Variants in EFCAB3 observed in about 807,000 individuals in gnomAD.
EFCAB3 encodes the protein EF-hand calcium-binding domain-containing protein 3.
A neutral mutation model predicts 42.2 loss-of-function variants in EFCAB3; 36 were observed. The observed-to-expected ratio is 0.85, with a 90% confidence interval of 0.65 to 1.13. The LOEUF (loss-of-function observed/expected upper bound fraction) is 1.13. EFCAB3 is among the 50% of genes most tolerant of loss of function. The probability of loss-of-function intolerance (pLI) is 0.00; values close to 1 mark genes in which losing one functional copy is unlikely to be tolerated. For missense variants in EFCAB3, 418 were observed against 505.1 expected (o/e 0.83, Z 1.65); for synonymous variants, 170 against 172.8 (o/e 0.98, Z 0.13).
chr17:62,394,146 G>T (rs112964606), intron 5 of EFCAB3, among the ~76,000 whole-genome samples: 3,044 of 152,074 alleles, frequency 0.02, 113 homozygotes, highest in African/African-American at 0.069. Context: ...GTAGAGATGG[G>T]ATTTCACAGT....
At chr17:62,402,912 C>G (rs144757581) in intron 6 of EFCAB3, among the ~76,000 whole-genome samples, 2,226 of 152,298 alleles carry the variant, frequency 0.015, 40 homozygotes, top group African/African-American at 0.051. Context: ...GTGAATCCAT[C>G]TGGTCCTGGA....
At chr17:62,390,817 G>A (rs1432038577) in intron 3 of EFCAB3, among the ~76,000 whole-genome samples, 1 of 152,200 alleles carries the variant, frequency 6.6e-6, no homozygotes, top group Non-Finnish European at 1.5e-5. Context: ...TATACATAGA[G>A]ACGCTGAGAC....
At chr17:62,386,097 G>A (rs1021935146) in intron 2 of EFCAB3, among the ~76,000 whole-genome samples, 9 of 151,754 alleles carry the variant, frequency 5.9e-5, no homozygotes, top group African/African-American at 2.2e-4. Flanking sequence ...TAAACTTTTA[G>A]TTTTACAAGT....
Position 62,416,137 on chromosome 17 carries a change from T to C in EFCAB3, c.1125T>C (p.Phe375=). 6.2e-7 allele frequency: 1 copy of C among 1,613,992 alleles called. No individual in the cohort carries two copies. Among genetic ancestry groups the C allele is most frequent in the East Asian group, 2.2e-5 (1 of 44,880 alleles). ...DSRNESFYDT[F]STYTWSWNVC... ...GAAATGAGTCCTTTTATGACACCTT[T>C]TCTACTTATACATGGTCCTGGAATG... Residue 375 remains phenylalanine (F), a synonymous_variant, in exon 10 of 10, where the codon TTT becomes TTC. Transcript: ENST00000305286.
Position 62,406,619 on chromosome 17 carries a change from C to T in EFCAB3, c.628C>T (p.Arg210Trp), listed in dbSNP as rs756722182. ...SSMAAFANAA[R>W]IAIMKEKDLF... ...CATGGCTGCCTTTGCTAATGCTGCC[C>T]GGATTGCAATAATGAAAGAAAAGGA... Residue 210 changes from arginine (R) to tryptophan (W), a missense_variant, in exon 7 of 10, where the codon CGG becomes TGG. Transcript: ENST00000305286. The T allele has an allele frequency of 8.1e-6, 13 of 1,613,842 alleles. No individual in the cohort carries two copies. Among genetic ancestry groups the T allele is most frequent in the Admixed American group, 3.3e-5 (2 of 59,974 alleles).
intron 6 of EFCAB3, among the ~76,000 whole-genome samples, chr17:62,397,169 CTGT>C (rs1434881688): frequency 6.6e-6 from 1 of 152,120 alleles, no homozygotes; most frequent in Admixed American, 6.6e-5. Flanking sequence ...TGTGGTGTGG[CTGT>C]TATTTATCTG....
At chr17:62,383,947 C>T (rs1028545391) in intron 2 of EFCAB3, among the ~76,000 whole-genome samples, 6 of 152,186 alleles carry the variant, frequency 3.9e-5, no homozygotes, top group Non-Finnish European at 7.3e-5. Flanking sequence ...TTTTCTCAGT[C>T]ACCTAACAAC....
chr17:62,407,196 G>T lies in EFCAB3; in HGVS notation c.851G>T (p.Arg284Ile). ...HFFEDYFFHK[R>I]DWKTQAANIK... is the part of the protein sequence containing the mutation. ...TTTGAGGATTATTTTTTCCATAAAA[G>T]AGACTGGAAAACACAGGTGAGATTT... Residue 284 changes from arginine (R) to isoleucine (I), a missense_variant, in exon 8 of 10, where the codon AGA becomes ATA. Arg to Ile is a moderately conservative substitution (Grantham distance 97, BLOSUM62 -3). Coordinates refer to ENST00000305286, the MANE Select transcript of EFCAB3 (RefSeq NM_173503.4). 1.3e-6 allele frequency: 2 copies of T among 1,587,402 alleles called. No homozygotes were observed. Among genetic ancestry groups the T allele is most frequent in the East Asian group, 2.2e-5 (1 of 44,660 alleles).
chr17:62,375,722 A>G (rs2144047037), upstream of EFCAB3, among the ~76,000 whole-genome samples: 1 of 152,312 alleles, frequency 6.6e-6, no homozygotes, highest in South Asian at 2.1e-4. Flanking sequence ...ACCCCAGGTA[A>G]CATAAACGAG....
intron 8 of EFCAB3, among the ~76,000 whole-genome samples, chr17:62,409,998 G>C (rs966551326): frequency 1.3e-5 from 2 of 151,860 alleles, no homozygotes; most frequent in African/African-American, 4.8e-5. Context: ...TCGAGAGTTC[G>C]AGACCAGCCT....
intron 7 of EFCAB3, 152 bp from the exon 8 acceptor site, chr17:62,406,876 G>T: frequency 2.4e-6 from 1 of 412,252 alleles, no homozygotes; most frequent in Non-Finnish European, 4.1e-6. Context: ...TAGAGTCTGT[G>T]GATGGGTGGG....
chr17:62,377,956 C>T, upstream of EFCAB3: 1 of 1,543,966 alleles, frequency 6.5e-7, no homozygotes. Context: ...GATTCTTAAT[C>T]TTGTCTTTAA....
chr17:62,402,749 C>T (rs1045712925), intron 6 of EFCAB3, among the ~76,000 whole-genome samples: 1 of 152,114 alleles, frequency 6.6e-6, no homozygotes, highest in Non-Finnish European at 1.5e-5. Context: ...GTCTAAAATT[C>T]TCTATTTTTG....
At chr17:62,411,955 A>G (rs2070501904) in intron 8 of EFCAB3, among the ~76,000 whole-genome samples, 1 of 152,158 alleles carries the variant, frequency 6.6e-6, no homozygotes, top group African/African-American at 2.4e-5. Flanking sequence ...ACAAAGGAAC[A>G]AAAAGTAGAC....
Position 62,383,005 on chromosome 17 carries a change from AACT to A in EFCAB3, c.27_29del (p.Lys9_Leu10delinsAsn), listed in dbSNP as rs773154241. The A allele has an allele frequency of 4.3e-6, 7 of 1,613,696 alleles. No individual in the cohort carries two copies. The Admixed American group carries it at 1.0e-4, about 23-fold the overall frequency. On this transcript the variant is annotated inframe_deletion, in exon 2 of 10. Transcript: ENST00000305286. The stretch of plus-strand genomic sequence containing the variant: ...ATGGCAGTTTCAGAAATTAAACCAA[AACT>A]TAAGCTGAATCCTCTAACAAAAGTA...
intron 2 of EFCAB3, among the ~76,000 whole-genome samples, chr17:62,374,529 A>G (rs2070136208): frequency 6.6e-6 from 1 of 152,160 alleles, no homozygotes; most frequent in Non-Finnish European, 1.5e-5. Flanking sequence ...AATTTAATAC[A>G]TAATCTCAGT....
chr17:62,382,424 G>A (rs1273163830), intron 1 of EFCAB3, among the ~76,000 whole-genome samples: 1 of 151,898 alleles, frequency 6.6e-6, no homozygotes, highest in Non-Finnish European at 1.5e-5. Flanking sequence ...TACTATTTGT[G>A]TGTGTGTGTG....
intron 9 of EFCAB3, among the ~76,000 whole-genome samples, chr17:62,415,784 T>C (rs1049682988): frequency 6.6e-6 from 1 of 152,178 alleles, no homozygotes; most frequent in Non-Finnish European, 1.5e-5. Context: ...ATTTTTCATA[T>C]CCTTATAAAA....
chr17:62,411,176 T>C (rs1053311385), intron 8 of EFCAB3, among the ~76,000 whole-genome samples: 5 of 152,114 alleles, frequency 3.3e-5, no homozygotes, highest in Non-Finnish European at 7.4e-5. Flanking sequence ...AAAGATAGGT[T>C]CACAAAAATT....
Sources: allele counts gnomAD v4.1 joint callset (sites outside exome capture counted in the v4.1 genomes callset), GRCh38; gene constraint gnomAD v4.1.1; transcripts MANE v1.5; gene names NCBI Gene and HGNC (gene_info 2026-07-23, HGNC 2026-07-21).